Variants in CUL3 observed in about 807,000 individuals in gnomAD.
CUL3 encodes cullin 3, also known as cullin-3.
Under a neutral mutation model 89.1 loss-of-function variants are expected in CUL3, and 19 were observed. The ratio of observed to expected loss-of-function variants is 0.21; its 90% CI spans 0.15 to 0.31. CUL3 has a LOEUF of 0.31. CUL3 is among the 10% of genes least tolerant of loss of function. CUL3 has a pLI of 1.00. For synonymous variants in CUL3, 351 were observed against 308.4 expected (o/e 1.14, Z -1.45); for missense variants, 469 against 942.3 (o/e 0.50, Z 6.58).
chr2:224,517,782 ATG>A (rs1410819796), intron 3 of CUL3, among the ~76,000 whole-genome samples: 1 of 152,214 alleles, frequency 6.6e-6, no homozygotes, highest in African/African-American at 2.4e-5. Flanking sequence ...AGTAATCTGA[ATG>A]TAAAATCCTT....
chr2:224,584,287 C>A (rs1026828107), intron 1 of CUL3, among the ~76,000 whole-genome samples: 3 of 151,396 alleles, frequency 2.0e-5, no homozygotes, highest in Non-Finnish European at 4.4e-5. Context: ...GCTTCCCCCC[C>A]ACCCGGCCTT....
intron 3 of CUL3, among the ~76,000 whole-genome samples, chr2:224,521,379 T>G (rs531311648): frequency 1.3e-5 from 2 of 152,164 alleles, no homozygotes; most frequent in Non-Finnish European, 2.9e-5. Context: ...TATTACAAAG[T>G]TTAAGGGAGC....
intron 14 of CUL3, among the ~76,000 whole-genome samples, chr2:224,480,478 T>C (rs1691494880): frequency 6.6e-6 from 1 of 152,158 alleles, no homozygotes; most frequent in African/African-American, 2.4e-5. Context: ...ATTCATCATA[T>C]ATATATTTCT....
chr2:224,582,832 G>A (rs1383778141), intron 1 of CUL3, among the ~76,000 whole-genome samples: 1 of 152,202 alleles, frequency 6.6e-6, no homozygotes, highest in East Asian at 1.9e-4. Flanking sequence ...CCCCAGAACA[G>A]TGCCTGGCAC....
At chr2:224,500,017 T>C (rs1003262298) in intron 11 of CUL3, 11 of 174,658 alleles carry the variant, frequency 6.3e-5, no homozygotes, top group Middle Eastern at 2.7e-3. Flanking sequence ...TTTCCAACAA[T>C]TGGAGTTAGC....
rs189304110 is a variant in CUL3, at chr2:224,500,114, C to T, written c.1610+249G>A. 1.4e-5 allele frequency: 5 copies of T among 355,652 alleles called. No individual in the cohort carries two copies. In the East Asian group the frequency reaches 2.7e-4, roughly 19 times the overall value. The allele number at this position is 355,652 out of a possible 1,614,324, so 22.0% of individuals were successfully genotyped here. The stretch of plus-strand genomic sequence containing the variant: ...CTCTTTTTCCATTTTTACTGCTGCT[C>T]TAAATAAAAGGCATTTCAAATGCCA... On this transcript the variant is annotated intron_variant, in intron 11 of 15. Transcript: ENST00000264414.
At position 224,485,226 on chromosome 2, in the gene CUL3, T is replaced by G. The variant is rs1467666468; in HGVS notation, c.1843-3148A>C. 1 of 152,340 alleles carries G rather than the reference T, an allele frequency of 6.6e-6. No individual in the cohort carries two copies. The highest frequency in any genetic ancestry group is 1.5e-5 in the Non-Finnish European group (1 of 68,186). 9.4% of individuals were successfully genotyped at this position (152,340 alleles called of 1,614,324 possible). A position where few individuals can be genotyped will look rare whatever the true frequency, so the allele number is the denominator to read the frequency against. ...AGATACCAACTTAGCTGTAGGAGTT[T>G]TTTTTCATATCCCAGTGGCAGCCGG... On this transcript the variant is annotated intron_variant, in intron 13 of 15. Coordinates refer to ENST00000264414, the MANE Select transcript of CUL3 (RefSeq NM_003590.5). This position sits in a 1 kb window ranked among gnomAD's most constrained non-coding sequence, Gnocchi z 4.1.
chr2:224,494,286 ATT>A (rs1293209613), intron 13 of CUL3, among the ~76,000 whole-genome samples: 6 of 152,174 alleles, frequency 3.9e-5, no homozygotes, highest in African/African-American at 1.2e-4. Context: ...TATGGAATTA[ATT>A]TTGAGTCTTT....
chr2:224,559,532 T>C (rs998323575), intron 1 of CUL3, among the ~76,000 whole-genome samples: 6 of 151,414 alleles, frequency 4.0e-5, no homozygotes, highest in African/African-American at 1.5e-4. Flanking sequence ...TTCAGCACCA[T>C]CTAATCTCTC....
chr2:224,542,624 T>A (rs143127069), intron 2 of CUL3, among the ~76,000 whole-genome samples: 210 of 152,248 alleles, frequency 1.4e-3, no homozygotes, highest in African/African-American at 4.9e-3. Context: ...CCCAAGCTGG[T>A]CTCGAAGTCC....
intron 12 of CUL3, among the ~76,000 whole-genome samples, chr2:224,496,900 G>A (rs979437633): frequency 1.2e-4 from 18 of 152,106 alleles, no homozygotes; most frequent in African/African-American, 4.3e-4. Context: ...ACAAAAGCAG[G>A]CAGTAATTAA....
At chr2:224,478,399 TAAGC>T in intron 14 of CUL3, 54 bp from the exon 15 acceptor site, 1 of 1,548,840 alleles carries the variant, frequency 6.5e-7, no homozygotes, top group South Asian at 1.2e-5. Context: ...ATTTGGTTTA[TAAGC>T]AAGCTTATTA....
chr2:224,540,439 A>G (rs1694060936), intron 2 of CUL3, among the ~76,000 whole-genome samples: 1 of 151,992 alleles, frequency 6.6e-6, no homozygotes, highest in South Asian at 2.1e-4. Context: ...AAGGAAGAGG[A>G]AGGAGGAAGA....
chr2:224,549,927 T>C (rs914008864), intron 2 of CUL3, among the ~76,000 whole-genome samples: 3 of 152,150 alleles, frequency 2.0e-5, no homozygotes, highest in African/African-American at 7.2e-5. Flanking sequence ...CTCTGCTAAA[T>C]ACCTGTCAAA....
rs1691154041 is a variant in CUL3, at chr2:224,472,159, A to C, written c.*2086T>G. ...AATTCAGAAATGTTTTAATGTATTT[A>C]GAAGCATAAATATCAAACCTGTGCT... On this transcript the variant is annotated 3_prime_UTR_variant, in exon 16 of 16. Coordinates refer to ENST00000264414, the MANE Select transcript of CUL3 (RefSeq NM_003590.5). 4.4e-6 allele frequency: 1 copy of C among 227,860 alleles called. No individual in the cohort carries two copies. The highest frequency in any genetic ancestry group is 2.2e-5 in the African/African-American group (1 of 45,034). 14.1% of individuals were successfully genotyped at this position (227,860 alleles called of 1,614,324 possible).
chr2:224,476,083 G>A (rs1691309663), intron 15 of CUL3, among the ~76,000 whole-genome samples: 1 of 151,776 alleles, frequency 6.6e-6, no homozygotes. Context: ...GAGTACAATG[G>A]CACGATCTCG....
intron 3 of CUL3, among the ~76,000 whole-genome samples, chr2:224,532,460 TAA>T (rs369018508): frequency 4.0e-5 from 5 of 126,374 alleles, no homozygotes; most frequent in Admixed American, 1.6e-4. Context: ...AAATGCTGCT[TAA>T]AAAAAAAAAA....
rs1474077826 is a variant in CUL3, at chr2:224,471,203, A to T, written c.*3042T>A. 4.7e-6 allele frequency: 1 copy of T among 211,958 alleles called. No homozygotes were observed. The highest frequency in any genetic ancestry group is 2.3e-5 in the African/African-American group (1 of 44,250). The allele number at this position is 211,958 out of a possible 1,614,324, so 13.1% of individuals were successfully genotyped here. A position where few individuals can be genotyped will look rare whatever the true frequency, so the allele number is the denominator to read the frequency against. On this transcript the variant is annotated 3_prime_UTR_variant, in exon 16 of 16. Coordinates refer to ENST00000264414, the MANE Select transcript of CUL3 (RefSeq NM_003590.5). Reference sequence around the variant, plus strand: ...ACATATAGTAAAATACATGACCTACAATTGATATGCAACAGCTTTCCTTCC... The same window carrying T: ...ACATATAGTAAAATACATGACCTACTATTGATATGCAACAGCTTTCCTTCC...
At chr2:224,549,862 GCACACACACACACA>G (rs138838580) in intron 2 of CUL3, among the ~76,000 whole-genome samples, 1 of 150,476 alleles carries the variant, frequency 6.6e-6, no homozygotes, top group Non-Finnish European at 1.5e-5. Flanking sequence ...ATATATGCGT[GCACACACACACACA>G]CGCACACACA....
Sources: allele counts gnomAD v4.1 joint callset (sites outside exome capture counted in the v4.1 genomes callset), GRCh38; gene constraint gnomAD v4.1.1; non-coding constraint Gnocchi (gnomAD v3.1); transcripts MANE v1.5; gene names NCBI Gene and HGNC (gene_info 2026-07-23, HGNC 2026-07-21).